Variants in PACRG observed in about 807,000 individuals in gnomAD.
The protein encoded by PACRG is parkin coregulated, also known as parkin coregulated gene protein.
A neutral mutation model predicts 29.7 loss-of-function variants in PACRG; 29 were observed. The observed-to-expected ratio is 0.98, with a 90% confidence interval of 0.73 to 1.33. The LOEUF (loss-of-function observed/expected upper bound fraction) is 1.33, where lower values mean the gene tolerates loss of function less well. PACRG is among the 40% of genes most tolerant of loss of function. The probability of loss-of-function intolerance (pLI) is 0.00; values close to 1 mark genes in which losing one functional copy is unlikely to be tolerated. For synonymous variants in PACRG, 116 were observed against 118.7 expected, an observed-to-expected ratio of 0.98 and a Z score of 0.15; for missense variants, 279 against 316.2, an observed-to-expected ratio of 0.88 and a Z score of 0.89.
At chr6:163,248,094 G>A (rs1487842179) in intron 4 of PACRG, among the ~76,000 whole-genome samples, 1 of 152,162 alleles carries the variant, frequency 6.6e-6, no homozygotes, top group East Asian at 1.9e-4. Flanking sequence ...CCACTGAATG[G>A]CAACAAGGGT....
chr6:162,889,293 T>C (rs1794592718), intron 2 of PACRG, among the ~76,000 whole-genome samples: 1 of 152,210 alleles, frequency 6.6e-6, no homozygotes, highest in Non-Finnish European at 1.5e-5. Flanking sequence ...AAAAAATCTT[T>C]CTTTGAATGC....
chr6:163,241,446 G>A (rs529877506), intron 4 of PACRG, among the ~76,000 whole-genome samples: 20 of 152,264 alleles, frequency 1.3e-4, no homozygotes, highest in East Asian at 3.9e-4. Context: ...CAGCCCTTCC[G>A]TGATCATCTG....
At chr6:163,081,792 A>G (rs1349644052) in intron 3 of PACRG, among the ~76,000 whole-genome samples, 1 of 152,148 alleles carries the variant, frequency 6.6e-6, no homozygotes, top group Non-Finnish European at 1.5e-5. Context: ...GCCATATTTT[A>G]TGTTACATAT....
intron 4 of PACRG, among the ~76,000 whole-genome samples, chr6:163,207,613 A>G (rs1404208202): frequency 6.6e-6 from 1 of 152,122 alleles, no homozygotes; most frequent in Non-Finnish European, 1.5e-5. Context: ...TCACTACATG[A>G]TGAGATGCTT....
chr6:163,314,776 C>T lies in PACRG; in HGVS notation c.614-51C>T, dbSNP rs186257135. 1.4e-4 allele frequency: 225 copies of T among 1,588,992 alleles called. No homozygotes were observed. The African/African-American group carries it at 2.6e-3, about 18-fold the overall frequency. The stretch of plus-strand genomic sequence containing the variant: ...AATGCCTAGACTGTGTAGGACTTTT[C>T]GGGAAATTGCAGAGAAGTAACTGGC... On this transcript the variant is annotated intron_variant, in intron 4 of 4. Coordinates refer to ENST00000366888, the MANE Select transcript of PACRG (RefSeq NM_001080379.2).
intron 3 of PACRG, among the ~76,000 whole-genome samples, chr6:163,077,698 T>G (rs1468546404): frequency 6.6e-6 from 1 of 152,246 alleles, no homozygotes; most frequent in African/African-American, 2.4e-5. Flanking sequence ...TGATTTTTAA[T>G]TTTGGAAAAA....
intron 4 of PACRG, among the ~76,000 whole-genome samples, chr6:163,232,399 A>G (rs1199238219): frequency 6.6e-6 from 1 of 152,114 alleles, no homozygotes; most frequent in Non-Finnish European, 1.5e-5. Flanking sequence ...TGTCAGACCA[A>G]CGCCCACACT....
chr6:162,827,438 A>G (rs1788381685), intron 2 of PACRG, among the ~76,000 whole-genome samples: 1 of 152,212 alleles, frequency 6.6e-6, no homozygotes, highest in Non-Finnish European at 1.5e-5. Flanking sequence ...TGAAAGTAAA[A>G]TGTATTGGTT....
intron 4 of PACRG, among the ~76,000 whole-genome samples, chr6:163,178,936 CAA>C (rs1779516454): frequency 6.6e-6 from 1 of 152,202 alleles, no homozygotes; most frequent in Non-Finnish European, 1.5e-5. Flanking sequence ...TTACAAGTAA[CAA>C]TTCCTATTCG....
At chr6:163,142,826 A>T (rs1471713195) in intron 4 of PACRG, among the ~76,000 whole-genome samples, 1 of 152,226 alleles carries the variant, frequency 6.6e-6, no homozygotes, top group African/African-American at 2.4e-5. Flanking sequence ...CCCCAACTTC[A>T]TGATGAGAAA....
At chr6:163,214,658 ATTAT>A (rs1483897603) in intron 4 of PACRG, among the ~76,000 whole-genome samples, 7 of 151,820 alleles carry the variant, frequency 4.6e-5, no homozygotes, top group Admixed American at 3.3e-4. Flanking sequence ...CTCACTGATA[ATTAT>A]TTATATATAG....
chr6:162,768,633 A>G (rs892810567), intron 1 of PACRG, among the ~76,000 whole-genome samples: 1 of 152,094 alleles, frequency 6.6e-6, no homozygotes, highest in Non-Finnish European at 1.5e-5. Context: ...TTGTTCAGCT[A>G]TATTTTCTAT....
At chr6:163,170,940 T>C (rs1779053338) in intron 4 of PACRG, 1 of 152,242 alleles carries the variant, frequency 6.6e-6, no homozygotes, top group African/African-American at 2.4e-5. Context: ...AAATGAACTA[T>C]AGTGAAGTAA....
chr6:163,125,619 A>T (rs1816484525), intron 4 of PACRG, among the ~76,000 whole-genome samples: 1 of 151,306 alleles, frequency 6.6e-6, no homozygotes, highest in African/African-American at 2.4e-5. Context: ...ACAATGAAGA[A>T]ATGAGCTACC....
chr6:163,220,434 T>C (rs915263195), intron 4 of PACRG, among the ~76,000 whole-genome samples: 4 of 152,006 alleles, frequency 2.6e-5, no homozygotes, highest in Admixed American at 2.0e-4. Flanking sequence ...GCACACGCCC[T>C]CTCTCTCTCC....
chr6:163,293,785 A>C (rs1348395235), intron 4 of PACRG, among the ~76,000 whole-genome samples: 2 of 152,342 alleles, frequency 1.3e-5, no homozygotes, highest in African/African-American at 4.8e-5. Context: ...ATTTTTAAGT[A>C]GAATTTTTAA....
At chr6:163,176,560 G>A (rs562825230) in intron 4 of PACRG, among the ~76,000 whole-genome samples, 5 of 151,956 alleles carry the variant, frequency 3.3e-5, no homozygotes, top group Admixed American at 3.3e-4. Flanking sequence ...AAGGGGGGAG[G>A]GAAAGACGAA....
intron 4 of PACRG, among the ~76,000 whole-genome samples, chr6:163,218,553 A>G (rs62429976): frequency 0.086 from 13,096 of 151,960 alleles, 685 homozygotes; most frequent in South Asian, 0.12. Context: ...CCTTCTCTCC[A>G]TTGAAATGCC....
chr6:162,736,890 G>C (rs1780207762), intron 1 of PACRG, among the ~76,000 whole-genome samples: 1 of 151,846 alleles, frequency 6.6e-6, no homozygotes, highest in Admixed American at 6.6e-5. Flanking sequence ...CATTTAAAAG[G>C]CTTCATAAAA....
Sources: gnomAD v4.1 joint callset for allele counts (sites outside exome capture counted in the v4.1 genomes callset) on GRCh38, gnomAD v4.1.1 for gene constraint, MANE v1.5 for transcripts, NCBI Gene and HGNC (gene_info 2026-07-23, HGNC 2026-07-21) for gene names.